TBC1D16: variants seen among roughly 807,000 people sequenced by gnomAD.
TBC1D16 encodes TBC1 domain family member 16.
A neutral mutation model predicts 74.7 loss-of-function variants in TBC1D16; 58 were observed. The observed-to-expected ratio is 0.78, with a 90% CI of 0.63 to 0.97. The LOEUF (loss-of-function observed/expected upper bound fraction) is 0.97, where lower values mean the gene tolerates loss of function less well. TBC1D16 is among the 50% of genes least tolerant of loss of function. The pLI is 0.00. For synonymous variants in TBC1D16, 493 were observed against 474.7 expected, an observed-to-expected ratio of 1.04 and a Z score of -0.50; for missense variants, 1,014 against 1,079.5, an observed-to-expected ratio of 0.94 and a Z score of 0.85.
rs888886637 is a variant in TBC1D16, at chr17:80,008,750, C to T, written c.779+1410G>A. ...GGCTCACGGCTTCCTTTTATCTGCA[C>T]TCTCCAATAACTGAGATGAATGTTA... On this transcript the variant is annotated intron_variant, in intron 3 of 11. Coordinates refer to ENST00000310924, the MANE Select transcript of TBC1D16 (RefSeq NM_019020.4). The surrounding 1 kb of genome is among the most constrained non-coding windows in gnomAD (Gnocchi z 4.5). 6.6e-6 allele frequency among the ~76,000 whole-genome samples: 1 copy of T among 152,236 alleles called. No individual in the cohort carries two copies. Among genetic ancestry groups the T allele is most frequent in the African/African-American group, 2.4e-5 (1 of 41,466 alleles).
chr17:79,989,902 G>A (rs768981659), intron 3 of TBC1D16, among the ~76,000 whole-genome samples: 25 of 152,240 alleles, frequency 1.6e-4, no homozygotes, highest in African/African-American at 5.5e-4. Context: ...AAAGTCAGCC[G>A]AGGGGTCCCC....
chr17:79,995,299 C>CA (rs1006495494), intron 3 of TBC1D16, among the ~76,000 whole-genome samples: 62 of 137,738 alleles, frequency 4.5e-4, no homozygotes, highest in South Asian at 2.8e-3. Context: ...GACTCCGTTT[C>CA]AAAAAAAAAA....
intron 1 of TBC1D16, among the ~76,000 whole-genome samples, chr17:80,029,501 G>A (rs1275038178): frequency 2.6e-5 from 4 of 152,198 alleles, no homozygotes; most frequent in Non-Finnish European, 4.4e-5. Context: ...CACTGTGTGA[G>A]CAGTGGGGGT....
chr17:79,981,395 C>T lies in TBC1D16; in HGVS notation c.780-28577G>A, dbSNP rs1019789589. ...GGCCCTGCTGGGAGAAGGCCTCGGG[C>T]CTCCACCTCCAGCAATCCTCTAATA... On this transcript the variant is annotated intron_variant, in intron 3 of 11. Coordinates refer to ENST00000310924, the MANE Select transcript of TBC1D16 (RefSeq NM_019020.4). This position sits in a 1 kb window ranked among gnomAD's most constrained non-coding sequence, Gnocchi z 6.9. 6.6e-6 allele frequency among the ~76,000 whole-genome samples: 1 copy of T among 152,216 alleles called. No individual in the cohort carries two copies. The highest frequency in any genetic ancestry group is 2.4e-5 in the African/African-American group (1 of 41,458).
chr17:80,024,949 T>A (rs1376217317), intron 1 of TBC1D16, among the ~76,000 whole-genome samples: 2 of 117,012 alleles, frequency 1.7e-5, no homozygotes, highest in African/African-American at 7.4e-5. Flanking sequence ...ACACACACCA[T>A]AGACACACCA....
At chr17:79,964,028 T>A (rs1177394243) in intron 3 of TBC1D16, among the ~76,000 whole-genome samples, 2 of 152,142 alleles carry the variant, frequency 1.3e-5, no homozygotes, top group Non-Finnish European at 2.9e-5. Context: ...CAGGCTGGAG[T>A]ACAGTGGCAT....
chr17:80,001,948 G>A lies in TBC1D16; in HGVS notation c.779+8212C>T, dbSNP rs905884243. Among the ~76,000 whole-genome samples the A allele has an allele frequency of 6.6e-6, 1 of 152,126 alleles. No homozygotes were observed. The highest frequency in any genetic ancestry group is 6.5e-5 in the Admixed American group (1 of 15,274). On this transcript the variant is annotated intron_variant, in intron 3 of 11. Transcript: ENST00000310924. The surrounding 1 kb of genome is among the most constrained non-coding windows in gnomAD (Gnocchi z 5.8). ...AGCTGCTGCGCCCCGGAACAAAGAC[G>A]GGAAGGGCAAAGTGTGTCCTGATTC...
At chr17:79,995,369 C>T (rs1013458633) in intron 3 of TBC1D16, among the ~76,000 whole-genome samples, 4 of 151,986 alleles carry the variant, frequency 2.6e-5, no homozygotes, top group African/African-American at 7.3e-5. Flanking sequence ...AAGAGCAAAG[C>T]GTCTCAATGA....
rs1598465715 is a variant in TBC1D16 at position 80,035,785 on chromosome 17, C to T, written c.-63+10G>A. On this transcript the variant is annotated intron_variant, in intron 1 of 11. Coordinates refer to ENST00000310924, the MANE Select transcript of TBC1D16 (RefSeq NM_019020.4). This position sits in a 1 kb window ranked among gnomAD's most constrained non-coding sequence, Gnocchi z 5.3. ...CGCCCCCGCGGCCCCGTCCGGGCCCCGATACCCACCCGGGTCCCGCTGCGG... is the reference window on the plus strand; with the variant it reads ...CGCCCCCGCGGCCCCGTCCGGGCCCTGATACCCACCCGGGTCCCGCTGCGG... 1 of 146,904 alleles carries T rather than the reference C, an allele frequency of 6.8e-6. No homozygotes were observed. Among genetic ancestry groups the T allele is most frequent in the African/African-American group, 2.4e-5 (1 of 40,918 alleles). 9.1% of individuals were successfully genotyped at this position (146,904 alleles called of 1,614,324 possible). A position where few individuals can be genotyped will look rare whatever the true frequency, so the allele number is the denominator to read the frequency against.
Position 79,944,792 on chromosome 17 carries a change from A to G in TBC1D16, c.1908+116T>C, listed in dbSNP as rs115070962. The G allele has an allele frequency of 3.1e-3, 2,934 of 947,278 alleles. 56 individuals are homozygous for G. The African/African-American group carries it at 0.043, about 14-fold the overall frequency. 58.7% of individuals were successfully genotyped at this position (947,278 alleles called of 1,614,324 possible). A position where few individuals can be genotyped will look rare whatever the true frequency, so the allele number is the denominator to read the frequency against. ...GAAGGCAGTCGCCGTATGGGGGGCT[A>G]ATGTGTGGCTGTGGGTGGGGGGCGG... is the stretch of plus-strand genomic sequence containing the variant. On this transcript the variant is annotated intron_variant, in intron 10 of 11. Transcript: ENST00000310924. This position sits in a 1 kb window ranked among gnomAD's most constrained non-coding sequence, Gnocchi z 7.7.
chr17:79,992,110 C>T (rs892442803), intron 3 of TBC1D16: 3 of 152,332 alleles, frequency 2.0e-5, no homozygotes, highest in Non-Finnish European at 4.4e-5. Context: ...GTGGACCCTA[C>T]AAAGACGCCT....
chr17:79,945,162 G>A, intron 9 of TBC1D16, 75 bp from the exon 10 acceptor site: 1 of 1,460,470 alleles, frequency 6.8e-7, no homozygotes, highest in Non-Finnish European at 9.1e-7. Context: ...CACTCCCACT[G>A]GGGCCCTTCC....
At chr17:80,015,138 A>C (rs556982704) in intron 1 of TBC1D16, among the ~76,000 whole-genome samples, 8 of 152,210 alleles carry the variant, frequency 5.3e-5, no homozygotes, top group Non-Finnish European at 1.2e-4. Flanking sequence ...GTCAGTGAAG[A>C]GGCAGGCACA....
rs757131520 is a variant in TBC1D16, at chr17:79,952,640, C to T, written c.941+17G>A. 3.2e-6 allele frequency: 5 copies of T among 1,582,084 alleles called. No individual in the cohort carries two copies. In the South Asian group the frequency reaches 5.7e-5, roughly 18 times the overall value. On this transcript the variant is annotated intron_variant, in intron 4 of 11. Transcript: ENST00000310924. ...ACACAGGCCAACTCCCAGGAGGCGC[C>T]CAGAGATGCTTCCTACCTGAAGAAA...
intron 3 of TBC1D16, among the ~76,000 whole-genome samples, chr17:79,959,660 T>C (rs1245653680): frequency 1.3e-5 from 2 of 152,190 alleles, no homozygotes; most frequent in Admixed American, 6.5e-5. Context: ...ACAGGATATC[T>C]GCATGAAAAA....
rs999632367 is a variant in TBC1D16 at position 79,985,643 on chromosome 17, G to A, written c.779+24517C>T. Among the ~76,000 whole-genome samples, 6 of 152,094 alleles carry A rather than the reference G, an allele frequency of 3.9e-5. No individual in the cohort carries two copies. The South Asian group carries it at 6.2e-4, about 16-fold the overall frequency. On this transcript the variant is annotated intron_variant, in intron 3 of 11. Transcript: ENST00000310924. This position sits in a 1 kb window ranked among gnomAD's most constrained non-coding sequence, Gnocchi z 4.9. ...GTCCCCATCCGGTGGCAGCCATTCC[G>A]CATTGATCTCCATTTGCTTTTCAAA...
intron 3 of TBC1D16, among the ~76,000 whole-genome samples, chr17:79,984,717 A>C (rs889243979): frequency 2.0e-5 from 3 of 150,544 alleles, no homozygotes; most frequent in East Asian, 2.0e-4. Context: ...AAAAAAAAAA[A>C]ACAGTTAAAA....
intron 10 of TBC1D16, chr17:79,943,900 A>C (rs2032268932): frequency 7.1e-7 from 1 of 1,406,812 alleles, no homozygotes; most frequent in Non-Finnish European, 9.3e-7. Context: ...TTAATTCGGG[A>C]GTGGTGGGAA....
intron 3 of TBC1D16, among the ~76,000 whole-genome samples, chr17:79,963,229 C>CA (rs936438516): frequency 9.7e-5 from 14 of 144,410 alleles, no homozygotes; most frequent in Admixed American, 2.7e-4. Flanking sequence ...AAAAAAAAAG[C>CA]AAAAAAAAAA....
Sources: allele counts gnomAD v4.1 joint callset (sites outside exome capture counted in the v4.1 genomes callset), GRCh38; gene constraint gnomAD v4.1.1; non-coding constraint Gnocchi (gnomAD v3.1); transcripts MANE v1.5; gene names NCBI Gene and HGNC (gene_info 2026-07-23, HGNC 2026-07-21).